MARVELD2: variants seen among roughly 807,000 people sequenced by gnomAD.
The protein encoded by MARVELD2 is MARVEL domain-containing protein 2.
MARVELD2 carries 49 observed loss-of-function variants against 57.6 expected under a neutral mutation model. The observed-to-expected ratio is 0.85, with a 90% CI of 0.68 to 1.08. The LOEUF (loss-of-function observed/expected upper bound fraction) is 1.08, where lower values mean the gene tolerates loss of function less well. Among genes scored for constraint, MARVELD2 ranks in the 50% least tolerant of loss-of-function variants. The pLI is 0.00. For missense variants in MARVELD2, 606 were observed against 701.1 expected, an observed-to-expected ratio of 0.86 and a Z score of 1.53; for synonymous variants, 238 against 258.8, an observed-to-expected ratio of 0.92 and a Z score of 0.77.
chr5:69,443,671 C>T lies in MARVELD2; in HGVS notation c.*2017C>T, dbSNP rs1264298794. 1.3e-5 allele frequency: 2 copies of T among 151,998 alleles called. No individual in the cohort carries two copies. Among genetic ancestry groups the T allele is most frequent in the Admixed American group, 1.3e-4 (2 of 15,234 alleles). The allele number at this position is 151,998 out of a possible 1,614,324, so 9.4% of individuals were successfully genotyped here. A position where few individuals can be genotyped will look rare whatever the true frequency, so the allele number is the denominator to read the frequency against. ...CATGTAGATAAATTCCCAGGTGTAG[C>T]ATTACAGCTTCTGACTAATATAGCT... On this transcript the variant is annotated 3_prime_UTR_variant, in exon 7 of 7. Transcript: ENST00000325631.
intron 1 of MARVELD2, among the ~76,000 whole-genome samples, chr5:69,417,050 G>T (rs1395423098): frequency 6.6e-6 from 1 of 152,188 alleles, no homozygotes; most frequent in African/African-American, 2.4e-5. Flanking sequence ...CCACTTTGCT[G>T]CTGCCACAGT....
Position 69,442,030 on chromosome 5 carries a change from C to A in MARVELD2, c.*376C>A, listed in dbSNP as rs756402195. 1 of 165,088 alleles carries A rather than the reference C, an allele frequency of 6.1e-6. No homozygotes were observed. Among genetic ancestry groups the A allele is most frequent in the Non-Finnish European group, 1.3e-5 (1 of 76,000 alleles). 10.2% of individuals were successfully genotyped at this position (165,088 alleles called of 1,614,324 possible). The stretch of plus-strand genomic sequence containing the variant: ...TCCAATTGGTTTAACCAGTATGCAA[C>A]ATTAAAGATTTTACTCAGACATTTT... On this transcript the variant is annotated 3_prime_UTR_variant, in exon 7 of 7. Coordinates refer to ENST00000325631, the MANE Select transcript of MARVELD2 (RefSeq NM_001038603.3).
chr5:69,419,746 C>T lies in MARVELD2; in HGVS notation c.361C>T (p.Pro121Ser). The T allele has an allele frequency of 1.2e-6, 2 of 1,614,106 alleles. No homozygotes were observed. Among genetic ancestry groups the T allele is most frequent in the African/African-American group, 2.7e-5 (2 of 75,010 alleles). Reference protein sequence around the residue: ...DGVECSPPASPARPNHRSPLN... With the variant: ...DGVECSPPASSARPNHRSPLN... The stretch of plus-strand genomic sequence containing the variant: ...AGTGGAGTGTTCACCACCAGCCTCT[C>T]CAGCAAGACCAAACCACCGTTCGCC... Residue 121 changes from proline (P) to serine (S), a missense_variant, in exon 2 of 7, where the codon CCA (proline) becomes TCA (serine). Pro to Ser is a moderately conservative substitution (Grantham distance 74). Coordinates refer to ENST00000325631, the MANE Select transcript of MARVELD2 (RefSeq NM_001038603.3).
chr5:69,419,236 C>T, intron 1 of MARVELD2, 135 bp from the exon 2 acceptor site: 1 of 954,578 alleles, frequency 1.0e-6, no homozygotes, highest in Non-Finnish European at 1.6e-6. Flanking sequence ...TCATATTTAT[C>T]ATTTTTGTAT....
chr5:69,428,616 A>C (rs1766866795), intron 3 of MARVELD2, among the ~76,000 whole-genome samples: 1 of 39,040 alleles, frequency 2.6e-5, no homozygotes. Flanking sequence ...GGTAAGTCTT[A>C]CAATTAGGGA....
At chr5:69,437,559 C>T (rs1392000149) in intron 5 of MARVELD2, among the ~76,000 whole-genome samples, 12 of 148,818 alleles carry the variant, frequency 8.1e-5, no homozygotes, top group Non-Finnish European at 1.5e-4. Flanking sequence ...TGGTGGGCGC[C>T]TGTAATCCTT....
intron 2 of MARVELD2, among the ~76,000 whole-genome samples, 197 bp from the exon 3 acceptor site, chr5:69,424,404 A>G (rs1328154425): frequency 6.6e-6 from 1 of 152,168 alleles, no homozygotes; most frequent in African/African-American, 2.4e-5. Flanking sequence ...CCTGATTGAC[A>G]GGGAATTACA....
At position 69,442,826 on chromosome 5, in the gene MARVELD2, C is replaced by CTTTTT. The variant is rs11361474; in HGVS notation, c.*1186_*1190dup. 3.2e-5 allele frequency: 4 copies of CTTTTT among 126,150 alleles called. No homozygotes were observed. The highest frequency in any genetic ancestry group is 6.6e-5 in the Non-Finnish European group (4 of 60,760). 7.8% of individuals were successfully genotyped at this position (126,150 alleles called of 1,614,324 possible). ...ACATTGAATTGTATGAATGGTATTG[C>CTTTTT]TTTTTTTTTTTTTTTTTTGTGAGAC... On this transcript the variant is annotated 3_prime_UTR_variant, in exon 7 of 7. Coordinates refer to ENST00000325631, the MANE Select transcript of MARVELD2 (RefSeq NM_001038603.3).
chr5:69,440,754 T>C (rs1767302209), intron 6 of MARVELD2, among the ~76,000 whole-genome samples: 1 of 152,236 alleles, frequency 6.6e-6, no homozygotes, highest in African/African-American at 2.4e-5. Flanking sequence ...AAAGATGAAC[T>C]GATTTTACAT....
rs753481178 is a variant in MARVELD2 at position 69,419,945 on chromosome 5, A to G, written c.560A>G (p.Lys187Arg). Residue 187 changes from lysine to arginine, a missense_variant, in exon 2 of 7, where the codon AAG becomes AGG. Physicochemically the swap from Lys to Arg is conservative, Grantham distance 26. Transcript: ENST00000325631. Reference sequence around the variant, plus strand: ...TATAACCTGAGATACTCCTACATGAAGTCGTGGGCAGGCCTGCTGAGAATA... The same window carrying G: ...TATAACCTGAGATACTCCTACATGAGGTCGTGGGCAGGCCTGCTGAGAATA... ...EEYNLRYSYM[K>R]SWAGLLRILG... is the part of the protein sequence containing the mutation. The G allele has an allele frequency of 5.0e-6, 8 of 1,614,156 alleles. No homozygotes were observed. The highest frequency in any genetic ancestry group is 5.9e-6 in the Non-Finnish European group (7 of 1,180,020).
chr5:69,435,421 A>C (rs1432449554), intron 5 of MARVELD2, among the ~76,000 whole-genome samples: 1 of 152,078 alleles, frequency 6.6e-6, no homozygotes, highest in Non-Finnish European at 1.5e-5. Flanking sequence ...TGCAATCAGC[A>C]CCACTCAAAT....
intron 3 of MARVELD2, 39 bp from the exon 4 acceptor site, chr5:69,432,486 TTA>T: frequency 1.2e-6 from 2 of 1,606,638 alleles, no homozygotes; most frequent in Non-Finnish European, 1.7e-6. Context: ...TTTTTTCTAC[TTA>T]TGTTTATTAA....
chr5:69,439,867 T>C (rs1439078805), intron 5 of MARVELD2, among the ~76,000 whole-genome samples: 4 of 152,150 alleles, frequency 2.6e-5, no homozygotes, highest in African/African-American at 9.7e-5. Context: ...GCTATAGTAA[T>C]GTGTTCCCTT....
rs1479645963 is a variant in MARVELD2, at chr5:69,441,670, A to G, written c.*16A>G. 2 of 1,517,820 alleles carry G rather than the reference A, an allele frequency of 1.3e-6. No homozygotes were observed. Among genetic ancestry groups the G allele is most frequent in the Non-Finnish European group, 1.8e-6 (2 of 1,098,988 alleles). 94.0% of individuals were successfully genotyped at this position (1,517,820 alleles called of 1,614,324 possible). A position where few individuals can be genotyped will look rare whatever the true frequency, so the allele number is the denominator to read the frequency against. ...TTATTCTTAACGCTTATTTGAAACCACTTTATTTTTTTATTTTATTTTATT... is the reference window on the plus strand; with the variant it reads ...TTATTCTTAACGCTTATTTGAAACCGCTTTATTTTTTTATTTTATTTTATT... On this transcript the variant is annotated 3_prime_UTR_variant, in exon 7 of 7. Transcript: ENST00000325631.
At chr5:69,421,163 A>C (rs1247682201) in intron 2 of MARVELD2, among the ~76,000 whole-genome samples, 1 of 152,198 alleles carries the variant, frequency 6.6e-6, no homozygotes, top group African/African-American at 2.4e-5. Context: ...TCTAGAACTT[A>C]ATAGGATAAT....
chr5:69,424,719 G>A lies in MARVELD2; in HGVS notation c.1182+83G>A, dbSNP rs149324020. ...GTCTGTTTATCTACATAGTAGTATC[G>A]TACATCTGTGAAATGTAGCTATTGG... is the stretch of plus-strand genomic sequence containing the variant. On this transcript the variant is annotated intron_variant, in intron 3 of 6. Transcript: ENST00000325631. The A allele has an allele frequency of 3.7e-3, 4,059 of 1,099,458 alleles. 103 individuals carry two copies. The African/African-American group carries it at 0.053, about 14-fold the overall frequency. The allele number at this position is 1,099,458 out of a possible 1,614,324, so 68.1% of individuals were successfully genotyped here. A position where few individuals can be genotyped will look rare whatever the true frequency, so the allele number is the denominator to read the frequency against.
Position 69,416,830 on chromosome 5 carries a change from C to G in MARVELD2, c.-16+1660C>G, listed in dbSNP as rs1374782736. Reference sequence around the variant, plus strand: ...TATTTCAATGGCCTAGCCAGTCTTCCTGTTTTACCTCTTGCCTTCTGGAGT... The same window carrying G: ...TATTTCAATGGCCTAGCCAGTCTTCGTGTTTTACCTCTTGCCTTCTGGAGT... On this transcript the variant is annotated intron_variant, in intron 1 of 6. Transcript: ENST00000325631. Among the ~76,000 whole-genome samples the G allele has an allele frequency of 2.6e-5, 4 of 152,186 alleles. No individual in the cohort carries two copies. In the East Asian group the frequency reaches 7.7e-4, roughly 29 times the overall value.
At chr5:69,418,739 T>C (rs888893755) in intron 1 of MARVELD2, among the ~76,000 whole-genome samples, 3 of 152,160 alleles carry the variant, frequency 2.0e-5, no homozygotes, top group African/African-American at 7.2e-5. Context: ...ATGAAGAATA[T>C]TTGCTGACCC....
intron 2 of MARVELD2, 130 bp from the exon 3 acceptor site, chr5:69,424,471 G>A (rs997207530): frequency 1.3e-6 from 1 of 749,400 alleles, no homozygotes; most frequent in African/African-American, 1.7e-5. Flanking sequence ...AAAAAAGGAT[G>A]AGAAACACCC....
Sources: allele counts gnomAD v4.1 joint callset (sites outside exome capture counted in the v4.1 genomes callset), GRCh38; gene constraint gnomAD v4.1.1; transcripts MANE v1.5; gene names NCBI Gene and HGNC (gene_info 2026-07-23, HGNC 2026-07-21).